ZFAT: variants seen among roughly 807,000 people sequenced by gnomAD.
The protein encoded by ZFAT is zinc finger protein ZFAT.
Under a neutral mutation model 117.7 loss-of-function variants are expected in ZFAT, and 64 were observed. The ratio of observed to expected loss-of-function variants is 0.54; its 90% CI spans 0.44 to 0.67. ZFAT has a LOEUF of 0.67. ZFAT is among the 30% of genes least tolerant of loss of function. The pLI is 0.00. For synonymous variants in ZFAT, 679 were observed against 615.0 expected (o/e 1.10, Z -1.54); for missense variants, 1,433 against 1,584.5 (o/e 0.90, Z 1.62).
intron 1 of ZFAT, among the ~76,000 whole-genome samples, chr8:134,690,133 T>G (rs890834582): frequency 6.6e-6 from 1 of 152,302 alleles, no homozygotes; most frequent in Non-Finnish European, 1.5e-5. Flanking sequence ...AGTATTCACA[T>G]TATTTCCAGA....
chr8:134,578,832 A>G (rs1386051035), intron 10 of ZFAT, among the ~76,000 whole-genome samples: 3 of 152,186 alleles, frequency 2.0e-5, no homozygotes, highest in Admixed American at 1.3e-4. Flanking sequence ...TGAGACAGTC[A>G]AGACTGACCC....
the ZFAT span, among the ~76,000 whole-genome samples, chr8:134,725,892 GT>G: frequency 6.6e-6 from 1 of 152,188 alleles, no homozygotes; most frequent in Non-Finnish European, 1.5e-5. Flanking sequence ...AGTAATTACC[GT>G]GTGGCGGTCA....
intron 3 of ZFAT, among the ~76,000 whole-genome samples, chr8:134,626,389 C>A (rs733254): frequency 0.3 from 45,512 of 152,124 alleles, 7,097 homozygotes; most frequent in East Asian, 0.54. Flanking sequence ...TACTCTCTAG[C>A]TGGGCTTAGG....
At chr8:134,623,371 T>C (rs1829269297) in intron 3 of ZFAT, among the ~76,000 whole-genome samples, 1 of 152,166 alleles carries the variant, frequency 6.6e-6, no homozygotes, top group African/African-American at 2.4e-5. Context: ...CCACCCAGTC[T>C]CTACTCATGC....
intron 7 of ZFAT, chr8:134,599,618 C>A: frequency 2.6e-6 from 1 of 378,908 alleles, no homozygotes. Context: ...CCCTTAGTGA[C>A]AAACTGTTAT....
chr8:134,763,247 A>C, the ZFAT span, among the ~76,000 whole-genome samples: 2 of 152,186 alleles, frequency 1.3e-5, no homozygotes. Flanking sequence ...CATCAACTAT[A>C]AGGCCTTAAC....
In ZFAT at chr8:134,600,651, G is replaced by A; in HGVS notation, c.2260C>T (p.Gln754Ter). 2 of 1,583,004 alleles carry A rather than the reference G, an allele frequency of 1.3e-6. No individual in the cohort carries two copies. Among genetic ancestry groups the A allele is most frequent in the South Asian group, 1.1e-5 (1 of 87,130 alleles). Residue 754 changes from glutamine to a stop codon, truncating the protein, a stop_gained, in exon 7 of 16, where the codon CAA becomes TAA. Transcript: ENST00000377838. LOFTEE classifies it high-confidence loss of function. ...CGGACATGCATATCAAAATGCACTT[G>A]GTACCAAAAAAGTTTGCCTAAAAAA... ...CEYCGKLFWY[Q>*]VHFDMHVRTH...
intron 15 of ZFAT, among the ~76,000 whole-genome samples, chr8:134,488,303 T>C (rs1817798136): frequency 6.6e-6 from 1 of 152,148 alleles, no homozygotes; most frequent in African/African-American, 2.4e-5. Flanking sequence ...AAGCAGAAGA[T>C]GGATAGAAAA....
At chr8:134,654,378 T>G (rs551943162) in intron 2 of ZFAT, among the ~76,000 whole-genome samples, 1 of 152,158 alleles carries the variant, frequency 6.6e-6, no homozygotes, top group Non-Finnish European at 1.5e-5. Flanking sequence ...TTTACCCACA[T>G]AGTATATTCG....
At chr8:134,832,106 G>A in the ZFAT span, among the ~76,000 whole-genome samples, 1 of 149,624 alleles carries the variant, frequency 6.7e-6, no homozygotes, top group Non-Finnish European at 1.5e-5. Context: ...GAGGGCGCGG[G>A]GACGCGCCAG....
intron 2 of ZFAT, among the ~76,000 whole-genome samples, chr8:134,650,350 A>G (rs1195491402): frequency 6.6e-6 from 1 of 151,306 alleles, no homozygotes; most frequent in Non-Finnish European, 1.5e-5. Context: ...CTGGTCTCGA[A>G]CTCCTGACCT....
At chr8:134,510,345 C>T (rs1279826425) in intron 14 of ZFAT, among the ~76,000 whole-genome samples, 1 of 152,174 alleles carries the variant, frequency 6.6e-6, no homozygotes. Context: ...TCTGCCAGGC[C>T]ATCTGCAACC....
At chr8:134,804,290 T>C in the ZFAT span, among the ~76,000 whole-genome samples, 1 of 152,214 alleles carries the variant, frequency 6.6e-6, no homozygotes, top group African/African-American at 2.4e-5. Context: ...GCATACCCAT[T>C]AGCAAATGTA....
At chr8:134,825,894 G>A in the ZFAT span, among the ~76,000 whole-genome samples, 3 of 152,014 alleles carry the variant, frequency 2.0e-5, no homozygotes, top group Admixed American at 6.5e-5. Flanking sequence ...GGTGGCGGGC[G>A]CCTGTAGTCC....
At chr8:134,753,424 G>T in the ZFAT span, among the ~76,000 whole-genome samples, 137 of 152,240 alleles carry the variant, frequency 9.0e-4, no homozygotes, top group Non-Finnish European at 1.7e-3. Flanking sequence ...GAGGAAACAG[G>T]TTCACTGACA....
intron 10 of ZFAT, chr8:134,565,770 G>A: frequency 2.8e-6 from 1 of 358,276 alleles, no homozygotes. Flanking sequence ...TGAGACTGCA[G>A]GGGAATGGAC....
At chr8:134,713,708 A>C (rs186434523), upstream of ZFAT, among the ~76,000 whole-genome samples, 1 of 152,180 alleles carries the variant, frequency 6.6e-6, no homozygotes, top group East Asian at 1.9e-4. Flanking sequence ...TGGAAATTTA[A>C]TGACTTTGTT....
intron 8 of ZFAT, among the ~76,000 whole-genome samples, chr8:134,588,754 C>A (rs1198369719): frequency 6.6e-6 from 1 of 152,142 alleles, no homozygotes; most frequent in East Asian, 1.9e-4. Context: ...ATGAACTAAA[C>A]CACTAGATGC....
At chr8:134,628,610 T>C (rs1016872852) in intron 3 of ZFAT, among the ~76,000 whole-genome samples, 1 of 152,262 alleles carries the variant, frequency 6.6e-6, no homozygotes, top group Non-Finnish European at 1.5e-5. Flanking sequence ...AATTCTTCTT[T>C]ACCTTTCTTA....
Sources: allele counts gnomAD v4.1 joint callset (sites outside exome capture counted in the v4.1 genomes callset), GRCh38; gene constraint gnomAD v4.1.1; transcripts MANE v1.5; gene names NCBI Gene and HGNC (gene_info 2026-07-23, HGNC 2026-07-21).